The following DNM1L variants were observed in gnomAD, a reference collection of about 807,000 sequenced individuals.
DNM1L encodes dynamin 1L.
DNM1L carries 33 observed loss-of-function variants against 92.8 expected under a neutral mutation model. The ratio of observed to expected loss-of-function variants is 0.36; its 90% CI spans 0.27 to 0.48. DNM1L has a LOEUF of 0.48. DNM1L is among the 20% of genes least tolerant of loss of function. DNM1L has a pLI of 0.99. For missense variants in DNM1L, 485 were observed against 888.8 expected (o/e 0.55, Z 5.78); for synonymous variants, 284 against 305.0 (o/e 0.93, Z 0.72).
At chr12:32,681,565 G>GCCCC (rs1187987888) in intron 1 of DNM1L, among the ~76,000 whole-genome samples, 4 of 64,708 alleles carry the variant, frequency 6.2e-5, no homozygotes, top group African/African-American at 1.2e-4. Flanking sequence ...TCCCCACACC[G>GCCCC]CCCCCCCCGC....
At chr12:32,702,233 C>CAAAAAAAAAAAAAA (rs1179046487) in intron 2 of DNM1L, among the ~76,000 whole-genome samples, 1 of 81,340 alleles carries the variant, frequency 1.2e-5, no homozygotes, top group African/African-American at 4.2e-5. Context: ...GACTCCGTCT[C>CAAAAAAAAAAAAAA]AAAAAAAAAA....
intron 1 of DNM1L, among the ~76,000 whole-genome samples, chr12:32,684,495 T>TTTTTA (rs1951920076): frequency 1.1e-4 from 17 of 152,152 alleles, no homozygotes; most frequent in African/African-American, 1.9e-4. Context: ...TTTTCTTTTT[T>TTTTTA]GAGACAGAGT....
In DNM1L at chr12:32,691,385, C is replaced by T. The variant is rs186026883; in HGVS notation, c.103-10030C>T. Among the ~76,000 whole-genome samples, 112 of 152,204 alleles carry T rather than the reference C, an allele frequency of 7.4e-4. 1 individual carries two copies. In the East Asian group the frequency reaches 0.013, roughly 17 times the overall value. On this transcript the variant is annotated intron_variant, in intron 1 of 19. Coordinates refer to ENST00000549701, the MANE Select transcript of DNM1L (RefSeq NM_012062.5). Reference sequence around the variant, plus strand: ...TCCCAAGTAGCTGGGACTATAGGCACGTGCCACCACACCCAGCTAATTTTT... The same window carrying T: ...TCCCAAGTAGCTGGGACTATAGGCATGTGCCACCACACCCAGCTAATTTTT...
chr12:32,687,443 G>T (rs1001489535), intron 1 of DNM1L, among the ~76,000 whole-genome samples: 21 of 146,058 alleles, frequency 1.4e-4, no homozygotes, highest in African/African-American at 5.2e-4. Context: ...GTTGAGCAAA[G>T]ATTTTGTTGT....
chr12:32,696,358 G>A (rs938964539), intron 1 of DNM1L, among the ~76,000 whole-genome samples: 1 of 145,826 alleles, frequency 6.9e-6, no homozygotes, highest in Admixed American at 7.1e-5. Flanking sequence ...GCAATATAGT[G>A]AGACCCTGTC....
At chr12:32,697,691 T>C (rs950068251) in intron 1 of DNM1L, among the ~76,000 whole-genome samples, 1 of 151,892 alleles carries the variant, frequency 6.6e-6, no homozygotes, top group Non-Finnish European at 1.5e-5. Context: ...CAAGTGTTGG[T>C]AGCTGAAATA....
intron 9 of DNM1L, chr12:32,727,148 A>T (rs1954203676): frequency 6.4e-6 from 5 of 781,554 alleles, no homozygotes; most frequent in Non-Finnish European, 1.2e-5. Flanking sequence ...CATCTTCTTC[A>T]TCTGGTTTCC....
chr12:32,712,337 C>G (rs901282296), intron 5 of DNM1L, among the ~76,000 whole-genome samples: 1 of 152,112 alleles, frequency 6.6e-6, no homozygotes, highest in African/African-American at 2.4e-5. Context: ...CCTTATTGTT[C>G]ACTCTCTTTG....
At chr12:32,702,233 C>CAAAAAAAAAAAA (rs1179046487) in intron 2 of DNM1L, among the ~76,000 whole-genome samples, 11 of 81,310 alleles carry the variant, frequency 1.4e-4, no homozygotes, top group Non-Finnish European at 2.0e-4. Context: ...GACTCCGTCT[C>CAAAAAAAAAAAA]AAAAAAAAAA....
rs1592687217 is a variant in DNM1L at position 32,739,851 on chromosome 12, CA to C, written c.1708-210del. On this transcript the variant is annotated intron_variant, in intron 16 of 19. Coordinates refer to ENST00000549701, the MANE Select transcript of DNM1L (RefSeq NM_012062.5). Reference sequence around the variant, plus strand: ...AGAACATAAGTTGGTTGATGCCTTGCAAACAACTTAGAGCAGAACTTCTTTA... The same window carrying C: ...AGAACATAAGTTGGTTGATGCCTTGCAACAACTTAGAGCAGAACTTCTTTA... 3 of 584,768 alleles carry C rather than the reference CA, an allele frequency of 5.1e-6. No individual in the cohort carries two copies. In the East Asian group the frequency reaches 8.8e-5, roughly 17 times the overall value. The allele number at this position is 584,768 out of a possible 1,614,324, so 36.2% of individuals were successfully genotyped here.
intron 4 of DNM1L, among the ~76,000 whole-genome samples, chr12:32,710,618 C>CAA (rs72384937): frequency 3.4e-5 from 3 of 88,942 alleles, no homozygotes; most frequent in East Asian, 4.1e-4. Context: ...GACCTTGTCT[C>CAA]AAAAAAAAAA....
chr12:32,713,623 G>A lies in DNM1L; in HGVS notation c.619+252G>A, dbSNP rs7971719. 0.19 allele frequency among the ~76,000 whole-genome samples: 28,337 copies of A among 151,894 alleles called. 3,137 individuals are homozygous for A. Among genetic ancestry groups the A allele is most frequent in the African/African-American group, 0.32 (13,209 of 41,410 alleles). On this transcript the variant is annotated intron_variant, in intron 6 of 19. Coordinates refer to ENST00000549701, the MANE Select transcript of DNM1L (RefSeq NM_012062.5). ...TTACCTAATAATTTAAAAATAATAC[G>A]GTGGCTTTGCAAAAAGGATTTCTTG...
Position 32,681,132 on chromosome 12 carries a change from T to C in DNM1L, c.102+1667T>C, listed in dbSNP as rs573274827. The stretch of plus-strand genomic sequence containing the variant: ...AAGATCCCATCCTTCTGAAAGCCAT[T>C]AACATGTGCAAAAACCATCCTAGTA... On this transcript the variant is annotated intron_variant, in intron 1 of 19. Coordinates refer to ENST00000549701, the MANE Select transcript of DNM1L (RefSeq NM_012062.5). 1.4e-4 allele frequency among the ~76,000 whole-genome samples: 21 copies of C among 152,314 alleles called. No individual in the cohort carries two copies. In the East Asian group the frequency reaches 4.0e-3, roughly 29 times the overall value.
At chr12:32,726,779 G>C (rs1954176849) in intron 9 of DNM1L, 1 of 620,396 alleles carries the variant, frequency 1.6e-6, no homozygotes. Context: ...AATCTATCTG[G>C]CCCCCTGTAC....
At chr12:32,700,824 G>T (rs571465683) in intron 1 of DNM1L, among the ~76,000 whole-genome samples, 1 of 152,166 alleles carries the variant, frequency 6.6e-6, no homozygotes, top group South Asian at 2.1e-4. Flanking sequence ...ACATATTATA[G>T]GCATGATTTT....
At chr12:32,687,399 C>T (rs1010041134) in intron 1 of DNM1L, among the ~76,000 whole-genome samples, 3 of 151,976 alleles carry the variant, frequency 2.0e-5, no homozygotes, top group Non-Finnish European at 2.9e-5. Context: ...ACTGTTCTTT[C>T]CCCATTGAAT....
chr12:32,679,477 A>C lies in DNM1L; in HGVS notation c.102+12A>C. 6.2e-7 allele frequency: 1 copy of C among 1,607,850 alleles called. No homozygotes were observed. The highest frequency in any genetic ancestry group is 8.5e-7 in the Non-Finnish European group (1 of 1,177,706). On this transcript the variant is annotated intron_variant, in intron 1 of 19. Transcript: ENST00000549701. ...TAGTGGGAACGCAGGTGAGAGCAGC[A>C]GGCGGCGTTCGCTCGGGCCAGACCC...
Position 32,731,242 on chromosome 12 carries a change from T to C in DNM1L, c.1200+108T>C, listed in dbSNP as rs1028019542. Reference sequence around the variant, plus strand: ...AATTATACAGTTTATTTTGCTCTCATATTTGAAATTAAAAAGCATTTTTCA... The same window carrying C: ...AATTATACAGTTTATTTTGCTCTCACATTTGAAATTAAAAAGCATTTTTCA... On this transcript the variant is annotated intron_variant, in intron 10 of 19. Transcript: ENST00000549701. The surrounding 1 kb of genome is among the most constrained non-coding windows in gnomAD (Gnocchi z 5.1). The C allele has an allele frequency of 5.7e-6, 9 of 1,588,372 alleles. No individual in the cohort carries two copies. Among genetic ancestry groups the C allele is most frequent in the Non-Finnish European group, 7.7e-6 (9 of 1,165,338 alleles).
chr12:32,691,431 G>A (rs1039295663), intron 1 of DNM1L, among the ~76,000 whole-genome samples: 38 of 152,052 alleles, frequency 2.5e-4, no homozygotes, highest in African/African-American at 9.2e-4. Context: ...TAGAGACGGG[G>A]TTGGGTTTTC....
Sources: allele counts gnomAD v4.1 joint callset (sites outside exome capture counted in the v4.1 genomes callset), GRCh38; gene constraint gnomAD v4.1.1; non-coding constraint Gnocchi (gnomAD v3.1); transcripts MANE v1.5; gene names NCBI Gene and HGNC (gene_info 2026-07-23, HGNC 2026-07-21).